UNC13C: variants seen among roughly 807,000 people sequenced by gnomAD.
UNC13C encodes the protein unc-13 homolog C.
UNC13C carries 174 observed loss-of-function variants against 245.4 expected under a neutral mutation model. The observed-to-expected ratio is 0.71, with a 90% CI of 0.63 to 0.80. The LOEUF (loss-of-function observed/expected upper bound fraction) is 0.80, where lower values mean the gene tolerates loss of function less well. UNC13C is among the 30% of genes least tolerant of loss of function. The pLI is 0.00. For synonymous variants in UNC13C, 992 were observed against 895.1 expected, an observed-to-expected ratio of 1.11 and a Z score of -1.93; for missense variants, 2,829 against 2,602.9, an observed-to-expected ratio of 1.09 and a Z score of -1.89.
At chr15:54,183,592 A>G (rs1334458174) in intron 4 of UNC13C, among the ~76,000 whole-genome samples, 1 of 152,006 alleles carries the variant, frequency 6.6e-6, no homozygotes, top group East Asian at 1.9e-4. Flanking sequence ...TAAAATGTCC[A>G]AAAGAAATTT....
chr15:54,253,366 C>G (rs2414287), intron 8 of UNC13C, among the ~76,000 whole-genome samples: 40,246 of 152,052 alleles, frequency 0.26, 5,483 homozygotes, highest in African/African-American at 0.29. Flanking sequence ...CTAACACCCT[C>G]TCTAGCTAAT....
At chr15:54,612,586 TC>T (rs1341935328) in intron 30 of UNC13C, among the ~76,000 whole-genome samples, 1 of 152,042 alleles carries the variant, frequency 6.6e-6, no homozygotes, top group Admixed American at 6.6e-5. Flanking sequence ...TAAAAACTCC[TC>T]CTAGAACATT....
At position 54,549,771 on chromosome 15, in the gene UNC13C, T is replaced by C. The variant is rs961688249; in HGVS notation, c.5877+80T>C. ...TCTGCAAGCATCCTCCTCCTAGTAA[T>C]AGTATCTAGCATGGCAGGATTAAGA... On this transcript the variant is annotated intron_variant, in intron 28 of 32. Coordinates refer to ENST00000260323, the MANE Select transcript of UNC13C (RefSeq NM_001080534.3). 5 of 873,114 alleles carry C rather than the reference T, an allele frequency of 5.7e-6. No homozygotes were observed. The African/African-American group carries it at 6.7e-5, about 12-fold the overall frequency. The allele number at this position is 873,114 out of a possible 1,614,324, so 54.1% of individuals were successfully genotyped here. A position where few individuals can be genotyped will look rare whatever the true frequency, so the allele number is the denominator to read the frequency against.
At chr15:54,617,034 T>C (rs1320939544) in intron 30 of UNC13C, among the ~76,000 whole-genome samples, 3 of 152,228 alleles carry the variant, frequency 2.0e-5, no homozygotes, top group African/African-American at 4.8e-5. Flanking sequence ...CAATAAACTA[T>C]ACCCTACCAC....
chr15:54,452,431 C>T (rs1467669048), intron 19 of UNC13C, among the ~76,000 whole-genome samples: 3 of 152,102 alleles, frequency 2.0e-5, no homozygotes, highest in Admixed American at 6.5e-5. Context: ...GTCTTCTGTC[C>T]CACAGGTGGT....
At chr15:54,494,760 C>G in intron 20 of UNC13C, 26 bp downstream of exon 20, 2 of 1,601,048 alleles carry the variant, frequency 1.2e-6, no homozygotes, top group Non-Finnish European at 1.7e-6. Flanking sequence ...AACACACACA[C>G]CCTCAGATCT....
rs192587693 is a variant in UNC13C, at chr15:54,604,694, C to G, written c.6107-17633C>G. On this transcript the variant is annotated intron_variant, in intron 30 of 32. Coordinates refer to ENST00000260323, the MANE Select transcript of UNC13C (RefSeq NM_001080534.3). Reference sequence around the variant, plus strand: ...TATTTCTGGTGGGATAATATTTCCACTTGAACACCTCTTTCCAGTGCCAGC... The same window carrying G: ...TATTTCTGGTGGGATAATATTTCCAGTTGAACACCTCTTTCCAGTGCCAGC... 2.4e-3 allele frequency among the ~76,000 whole-genome samples: 360 copies of G among 152,318 alleles called. 1 individual carries two copies. The highest frequency in any genetic ancestry group is 8.5e-3 in the African/African-American group (354 of 41,572).
At position 54,608,806 on chromosome 15, in the gene UNC13C, T is replaced by G. The variant is rs186566254; in HGVS notation, c.6107-13521T>G. On this transcript the variant is annotated intron_variant, in intron 30 of 32. Coordinates refer to ENST00000260323, the MANE Select transcript of UNC13C (RefSeq NM_001080534.3). ...CTATTTCTCTTCTGACAAATGTTAT[T>G]CATTCTGTTCATTACAGTTCCTTAT... Among the ~76,000 whole-genome samples the G allele has an allele frequency of 5.9e-3, 906 of 152,334 alleles. 9 individuals carry two copies. The highest frequency in any genetic ancestry group is 7.1e-3 in the Admixed American group (109 of 15,304).
chr15:54,501,074 C>T, intron 22 of UNC13C, 96 bp downstream of exon 22: 3 of 1,283,108 alleles, frequency 2.3e-6, no homozygotes, highest in Non-Finnish European at 3.2e-6. Flanking sequence ...GTCACCCCAT[C>T]CCAGTTTATT....
chr15:54,596,265 G>T (rs1899078777), intron 30 of UNC13C, among the ~76,000 whole-genome samples: 1 of 152,156 alleles, frequency 6.6e-6, no homozygotes, highest in Admixed American at 6.5e-5. Context: ...TACCAAAAGT[G>T]CTACATTAAA....
At chr15:54,441,389 A>T (rs1448433104) in intron 19 of UNC13C, among the ~76,000 whole-genome samples, 1 of 152,058 alleles carries the variant, frequency 6.6e-6, no homozygotes, top group African/African-American at 2.4e-5. Flanking sequence ...CTACATATAG[A>T]TGTCTAACTT....
intron 30 of UNC13C, among the ~76,000 whole-genome samples, chr15:54,613,110 A>C (rs1286223776): frequency 1.3e-5 from 2 of 151,910 alleles, no homozygotes; most frequent in Non-Finnish European, 2.9e-5. Context: ...GCATAAATAG[A>C]TCTATATAAA....
intron 26 of UNC13C, among the ~76,000 whole-genome samples, chr15:54,545,209 A>G (rs1896430852): frequency 1.3e-5 from 2 of 152,238 alleles, no homozygotes; most frequent in Admixed American, 1.3e-4. Flanking sequence ...ACGATTCCCT[A>G]TTTAACAAAT....
At chr15:54,311,673 T>G (rs1419580556) in intron 13 of UNC13C, among the ~76,000 whole-genome samples, 1 of 151,792 alleles carries the variant, frequency 6.6e-6, no homozygotes, top group Non-Finnish European at 1.5e-5. Flanking sequence ...TAAACTGGTA[T>G]CTATTTTACA....
intron 18 of UNC13C, among the ~76,000 whole-genome samples, chr15:54,406,881 A>G (rs1035876742): frequency 4.6e-5 from 7 of 152,180 alleles, no homozygotes; most frequent in Admixed American, 6.5e-5. Flanking sequence ...GAGAGAGGTT[A>G]TTATCTCATA....
intron 30 of UNC13C, among the ~76,000 whole-genome samples, chr15:54,622,072 T>C (rs1900830865): frequency 6.6e-6 from 1 of 152,176 alleles, no homozygotes; most frequent in African/African-American, 2.4e-5. Flanking sequence ...CTTTAAACTA[T>C]CATAATAGTA....
the UNC13C span, among the ~76,000 whole-genome samples, chr15:53,908,070 G>A: frequency 2.0e-5 from 3 of 146,812 alleles, 1 homozygote; most frequent in East Asian, 5.9e-4. Context: ...TTTAGCTGTT[G>A]AATATTCTAC....
chr15:53,936,402 G>A, the UNC13C span, among the ~76,000 whole-genome samples: 1 of 152,166 alleles, frequency 6.6e-6, no homozygotes, highest in East Asian at 1.9e-4. Context: ...CTGGGAGGAG[G>A]GGCAGCCACT....
chr15:54,250,402 C>T lies in UNC13C; in HGVS notation c.3406C>T (p.His1136Tyr). 1 of 1,613,460 alleles carries T rather than the reference C, an allele frequency of 6.2e-7. No individual in the cohort carries two copies. Among genetic ancestry groups the T allele is most frequent in the Non-Finnish European group, 8.5e-7 (1 of 1,179,674 alleles). ...GTGTCTGGAGTGTGGAGTGAAATGC[C>T]ACGAAAAGTGTCAGGACCTGCTAAA... ...MKCLECGVKC[H>Y]EKCQDLLNAD... The change falls in exon 8 of 33, where the codon CAC (histidine) becomes TAC (tyrosine). Residue 1136 changes from histidine (H) to tyrosine (Y), a missense_variant. Physicochemically the swap from His to Tyr is moderately conservative, Grantham distance 83. Transcript: ENST00000260323.
Sources: gnomAD v4.1 joint callset for allele counts (sites outside exome capture counted in the v4.1 genomes callset) on GRCh38, gnomAD v4.1.1 for gene constraint, MANE v1.5 for transcripts, NCBI Gene and HGNC (gene_info 2026-07-23, HGNC 2026-07-21) for gene names.